Variants in TPRG1 observed in about 807,000 individuals in gnomAD.
TPRG1 encodes tumor protein p63 regulated 1.
Under a neutral mutation model 29.3 loss-of-function variants are expected in TPRG1, and 29 were observed. That is an observed-to-expected ratio of 0.99 (90% confidence interval 0.74 to 1.35). TPRG1 has a LOEUF of 1.35. Ranked by LOEUF, TPRG1 falls within the 40% of genes most tolerant of loss-of-function variation. TPRG1 has a pLI of 0.00. For missense variants in TPRG1, 327 were observed against 335.0 expected, an observed-to-expected ratio of 0.98 and a Z score of 0.19; for synonymous variants, 130 against 116.8, an observed-to-expected ratio of 1.11 and a Z score of -0.73.
chr3:189,078,088 T>C (rs1717323161), intron 4 of TPRG1, among the ~76,000 whole-genome samples: 1 of 111,694 alleles, frequency 9.0e-6, no homozygotes, highest in Non-Finnish European at 1.9e-5. Flanking sequence ...TTTCTCTCTT[T>C]CTCTCTTTCT....
At chr3:189,144,151 A>G (rs1389465179) in intron 3 of TPRG1, among the ~76,000 whole-genome samples, 1 of 152,162 alleles carries the variant, frequency 6.6e-6, no homozygotes, top group Non-Finnish European at 1.5e-5. Flanking sequence ...TGCTCACTAT[A>G]ACAAATACTT....
chr3:189,114,200 CTGTT>C (rs1720906290), intron 1 of TPRG1, among the ~76,000 whole-genome samples: 1 of 152,132 alleles, frequency 6.6e-6, no homozygotes, highest in Admixed American at 6.5e-5. Flanking sequence ...AGAGCAATCT[CTGTT>C]GTTGTTAGAT....
chr3:189,309,043 CTCTGTCTTTTTTTTCCT>C (rs1722053911), intron 4 of TPRG1, among the ~76,000 whole-genome samples: 1 of 42,622 alleles, frequency 2.3e-5, no homozygotes, highest in Non-Finnish European at 5.0e-5. Flanking sequence ...TTTTTCCTAA[CTCTGTCTTTTTTTTCCT>C]ATATACTTTT....
intron 2 of TPRG1, among the ~76,000 whole-genome samples, chr3:189,208,999 G>GA (rs1428891654): frequency 6.6e-6 from 1 of 152,136 alleles, no homozygotes; most frequent in Non-Finnish European, 1.5e-5. Context: ...AAAGGAATAG[G>GA]AAAAAATTGC....
intron 4 of TPRG1, among the ~76,000 whole-genome samples, chr3:189,269,457 G>A (rs1367883989): frequency 6.6e-6 from 1 of 152,182 alleles, no homozygotes. Context: ...AGGTGCGCCA[G>A]TTTAAATACA....
At chr3:189,081,097 GA>G (rs1183093604) in intron 4 of TPRG1, among the ~76,000 whole-genome samples, 1 of 152,136 alleles carries the variant, frequency 6.6e-6, no homozygotes, top group Non-Finnish European at 1.5e-5. Context: ...ATAATTAGAA[GA>G]ATAATTGTGA....
At chr3:189,084,003 C>T (rs778260792) in intron 4 of TPRG1, among the ~76,000 whole-genome samples, 6 of 151,988 alleles carry the variant, frequency 3.9e-5, no homozygotes, top group East Asian at 1.9e-4. Flanking sequence ...TGTGGTGAAA[C>T]GGCTGGGCGT....
chr3:189,308,751 G>T (rs1051199250), intron 4 of TPRG1, among the ~76,000 whole-genome samples: 2 of 152,108 alleles, frequency 1.3e-5, no homozygotes, highest in Non-Finnish European at 2.9e-5. Flanking sequence ...ATCCCCTTTG[G>T]ATAAAAGCAA....
At chr3:189,116,164 T>A (rs1441674486) in intron 1 of TPRG1, among the ~76,000 whole-genome samples, 1 of 152,084 alleles carries the variant, frequency 6.6e-6, no homozygotes, top group Non-Finnish European at 1.5e-5. Flanking sequence ...GAAAACAAGG[T>A]CTCGAAGATA....
intron 5 of TPRG1, among the ~76,000 whole-genome samples, chr3:189,158,930 T>A (rs1321749678): frequency 6.6e-6 from 1 of 151,578 alleles, no homozygotes; most frequent in Non-Finnish European, 1.5e-5. Flanking sequence ...TTTTTTTTGT[T>A]TTTTTTTGTT....
intron 1 of TPRG1, among the ~76,000 whole-genome samples, chr3:189,203,643 A>G (rs951879744): frequency 2.0e-5 from 3 of 152,106 alleles, no homozygotes; most frequent in Non-Finnish European, 2.9e-5. Context: ...TTGGTTTTCC[A>G]TTTTTCATTA....
chr3:189,168,539 A>G (rs1728425167), upstream of TPRG1, among the ~76,000 whole-genome samples: 1 of 152,180 alleles, frequency 6.6e-6, no homozygotes, highest in Non-Finnish European at 1.5e-5. Flanking sequence ...TCTAAAAAGA[A>G]TGTCTTGTTT....
At chr3:189,245,508 T>G (rs550680051) in intron 4 of TPRG1, among the ~76,000 whole-genome samples, 1 of 152,184 alleles carries the variant, frequency 6.6e-6, no homozygotes, top group Non-Finnish European at 1.5e-5. Flanking sequence ...ATATTTCAGG[T>G]TTTTATAGAT....
chr3:189,014,176 G>T (rs896253864), intron 3 of TPRG1, among the ~76,000 whole-genome samples: 1 of 152,172 alleles, frequency 6.6e-6, no homozygotes, highest in African/African-American at 2.4e-5. Context: ...GTTTCTTTCA[G>T]AAGGTGTTGT....
At chr3:189,314,470 C>T (rs961837513) in intron 5 of TPRG1, among the ~76,000 whole-genome samples, 2 of 152,174 alleles carry the variant, frequency 1.3e-5, no homozygotes, top group Admixed American at 6.5e-5. Flanking sequence ...TTATACAATG[C>T]TATGTCAAAA....
intron 1 of TPRG1, among the ~76,000 whole-genome samples, chr3:189,194,072 TCACCTG>T (rs1031701060): frequency 2.0e-5 from 3 of 151,986 alleles, no homozygotes; most frequent in Admixed American, 6.6e-5. Context: ...AGAAAGATTT[TCACCTG>T]CACCTGCTGT....
chr3:189,097,841 C>T (rs1718786565), upstream of TPRG1, among the ~76,000 whole-genome samples: 1 of 152,178 alleles, frequency 6.6e-6, no homozygotes, highest in East Asian at 1.9e-4. Flanking sequence ...CTGAAAGGAT[C>T]TCAGAAACCG....
intron 2 of TPRG1, among the ~76,000 whole-genome samples, chr3:189,130,124 T>G (rs570376976): frequency 6.6e-6 from 1 of 152,350 alleles, no homozygotes; most frequent in East Asian, 1.9e-4. Context: ...TAGAATATCC[T>G]CAACCAGATG....
chr3:189,060,964 C>G (rs897436500), intron 4 of TPRG1, among the ~76,000 whole-genome samples: 1 of 152,002 alleles, frequency 6.6e-6, no homozygotes, highest in Non-Finnish European at 1.5e-5. Context: ...TCATATGGAA[C>G]CAAAAAAGAG....
Sources: gnomAD v4.1 joint callset for allele counts (sites outside exome capture counted in the v4.1 genomes callset) on GRCh38, gnomAD v4.1.1 for gene constraint, MANE v1.5 for transcripts, NCBI Gene and HGNC (gene_info 2026-07-23, HGNC 2026-07-21) for gene names.